The following ANKS3 variants were observed in gnomAD, a reference collection of about 807,000 sequenced individuals.
ANKS3 encodes ankyrin repeat and SAM domain-containing protein 3.
A neutral mutation model predicts 80.7 loss-of-function variants in ANKS3; 62 were observed. That is an observed-to-expected ratio of 0.77 (90% confidence interval 0.63 to 0.95). ANKS3 has a LOEUF of 0.95. Among genes scored for constraint, ANKS3 ranks in the 40% least tolerant of loss-of-function variants. ANKS3 has a pLI of 0.00. For synonymous variants in ANKS3, 489 were observed against 355.3 expected, an observed-to-expected ratio of 1.38 and a Z score of -4.23; for missense variants, 1,150 against 883.6, an observed-to-expected ratio of 1.30 and a Z score of -3.82.
intron 5 of ANKS3, among the ~76,000 whole-genome samples, chr16:4,725,802 G>T (rs2081316320): frequency 6.6e-6 from 1 of 152,084 alleles, no homozygotes; most frequent in Non-Finnish European, 1.5e-5. Flanking sequence ...TGGGATTACA[G>T]GCACCTGCCA....
chr16:4,706,787 G>A (rs574797534), intron 7 of ANKS3, among the ~76,000 whole-genome samples: 2 of 152,148 alleles, frequency 1.3e-5, no homozygotes, highest in South Asian at 2.1e-4. Flanking sequence ...TGAAGGGAAA[G>A]GTCCTTTGCA....
At chr16:4,697,696 T>G (rs549469779) in intron 15 of ANKS3, among the ~76,000 whole-genome samples, 2 of 152,242 alleles carry the variant, frequency 1.3e-5, no homozygotes, top group Non-Finnish European at 2.9e-5. Flanking sequence ...GCTACAGAAG[T>G]CACTGGCGGT....
chr16:4,705,176 C>A lies in ANKS3; in HGVS notation c.787G>T (p.Val263Phe), dbSNP rs1359265705. ...GCTCGCGGTCCCTCGTGGATGCTGA[C>A]ACCCTTCTTCCGGCAAGGCCTCTGT... ...QRQRPCRKKG[V>F]SIHEGPRALA... is the part of the protein sequence containing the mutation. Residue 263 changes from valine to phenylalanine, a missense_variant, in exon 8 of 18, where the codon GTC becomes TTC. Val to Phe is a conservative substitution (Grantham distance 50). Coordinates refer to ENST00000304283, the MANE Select transcript of ANKS3 (RefSeq NM_133450.4). The A allele has an allele frequency of 6.2e-7, 1 of 1,613,910 alleles. No individual in the cohort carries two copies. Among genetic ancestry groups the A allele is most frequent in the East Asian group, 2.2e-5 (1 of 44,890 alleles).
At chr16:4,709,311 C>T (rs2142068054) in intron 7 of ANKS3, among the ~76,000 whole-genome samples, 2 of 151,046 alleles carry the variant, frequency 1.3e-5, no homozygotes, top group South Asian at 4.2e-4. Context: ...GAGGCTGAGG[C>T]AGGAGAATCG....
At chr16:4,696,947 C>A (rs74854870) in intron 17 of ANKS3, 51 bp from the exon 18 acceptor site, 2 of 1,464,340 alleles carry the variant, frequency 1.4e-6, no homozygotes, top group East Asian at 2.3e-5. Context: ...GGGTGCATAC[C>A]CACACCTGCA....
chr16:4,715,856 C>T (rs570737049), intron 6 of ANKS3, among the ~76,000 whole-genome samples: 1 of 151,338 alleles, frequency 6.6e-6, no homozygotes, highest in East Asian at 1.9e-4. Flanking sequence ...AGTGCAGCGG[C>T]GCCTAAGGAA....
At chr16:4,721,812 T>C (rs2081117361) in intron 6 of ANKS3, among the ~76,000 whole-genome samples, 1 of 150,954 alleles carries the variant, frequency 6.6e-6, no homozygotes, top group African/African-American at 2.4e-5. Context: ...TATTTTTGTA[T>C]TTTTGGTAGA....
At chr16:4,705,344 C>T (rs536934265) in intron 7 of ANKS3, 91 bp from the exon 8 acceptor site, 36 of 1,478,354 alleles carry the variant, frequency 2.4e-5, no homozygotes, top group African/African-American at 1.8e-4. Flanking sequence ...TGACTGTCGC[C>T]GGTTTTGTTA....
At chr16:4,715,204 G>T (rs1211545523) in intron 6 of ANKS3, among the ~76,000 whole-genome samples, 1 of 152,030 alleles carries the variant, frequency 6.6e-6, no homozygotes, top group East Asian at 1.9e-4. Flanking sequence ...CATTTGACAG[G>T]CCAAGGCAGG....
At chr16:4,719,238 G>C (rs549542608) in intron 6 of ANKS3, among the ~76,000 whole-genome samples, 3 of 152,244 alleles carry the variant, frequency 2.0e-5, no homozygotes, top group African/African-American at 7.2e-5. Context: ...AGGCTGAGTT[G>C]CAAGGATCCC....
chr16:4,704,070 C>T (rs1324909129), intron 8 of ANKS3, among the ~76,000 whole-genome samples: 6 of 152,328 alleles, frequency 3.9e-5, no homozygotes, highest in East Asian at 1.9e-4. Context: ...CACAGCTCAG[C>T]GGACGGGACA....
At chr16:4,706,449 C>T (rs189814091) in intron 7 of ANKS3, among the ~76,000 whole-genome samples, 7 of 152,224 alleles carry the variant, frequency 4.6e-5, no homozygotes, top group Admixed American at 2.0e-4. Flanking sequence ...GTTGGCCAGG[C>T]TGGTCTCGAT....
chr16:4,707,363 C>A (rs1457894904), intron 7 of ANKS3, among the ~76,000 whole-genome samples: 1 of 149,030 alleles, frequency 6.7e-6, no homozygotes, highest in Non-Finnish European at 1.5e-5. Flanking sequence ...CTCATTGTAA[C>A]CTCCGCCTCC....
intron 11 of ANKS3, chr16:4,700,024 G>A (rs914358351): frequency 6.6e-6 from 1 of 152,504 alleles, no homozygotes; most frequent in East Asian, 1.9e-4. Context: ...ACCGAGACGT[G>A]TGCCTGCTCA....
chr16:4,725,241 C>T (rs2081293520), intron 5 of ANKS3: 1 of 159,016 alleles, frequency 6.3e-6, no homozygotes. Context: ...AGTTCAAGTA[C>T]TAATGATCTA....
intron 3 of ANKS3, among the ~76,000 whole-genome samples, chr16:4,729,082 G>T (rs1221475274): frequency 1.3e-5 from 2 of 152,224 alleles, no homozygotes; most frequent in Non-Finnish European, 1.5e-5. Flanking sequence ...GGAACATAAG[G>T]GGGTGGAAGT....
Position 4,698,414 on chromosome 16 carries a change from C to A in ANKS3, c.1724+13G>T, listed in dbSNP as rs942796817. The A allele has an allele frequency of 6.7e-6, 10 of 1,501,020 alleles. No individual in the cohort carries two copies. Among genetic ancestry groups the A allele is most frequent in the Non-Finnish European group, 8.0e-6 (9 of 1,129,338 alleles). 93.0% of individuals were successfully genotyped at this position (1,501,020 alleles called of 1,614,324 possible). A position where few individuals can be genotyped will look rare whatever the true frequency, so the allele number is the denominator to read the frequency against. ...ACTGGAGACCCAGCCCAGGGCAGCTCAGAGCCACTCACCGCAGCTGGTCCA... is the reference window on the plus strand; with the variant it reads ...ACTGGAGACCCAGCCCAGGGCAGCTAAGAGCCACTCACCGCAGCTGGTCCA... On this transcript the variant is annotated intron_variant, in intron 14 of 17. Coordinates refer to ENST00000304283, the MANE Select transcript of ANKS3 (RefSeq NM_133450.4).
At chr16:4,714,941 G>C (rs1246472346) in intron 6 of ANKS3, among the ~76,000 whole-genome samples, 1 of 125,622 alleles carries the variant, frequency 8.0e-6, no homozygotes. Context: ...GCAGTGAGCT[G>C]AGATCATGCC....
chr16:4,701,528 C>A lies in ANKS3; in HGVS notation c.1025G>T (p.Cys342Phe), dbSNP rs761004762. Residue 342 changes from cysteine to phenylalanine, a missense_variant, in exon 10 of 18, where the codon TGT becomes TTT. Cys to Phe is a radical substitution (Grantham distance 205, BLOSUM62 -2). Coordinates refer to ENST00000304283, the MANE Select transcript of ANKS3 (RefSeq NM_133450.4). ...SSSSREEHAF[C>F]ANLGPVQSSS... ...GCTCTGGACGGGCCCCAGGTTGGCA[C>A]AGAAAGCATGTTCCTCTGAGGGCGG... 3.7e-6 allele frequency: 6 copies of A among 1,610,734 alleles called. No homozygotes were observed. The African/African-American group carries it at 4.0e-5, about 11-fold the overall frequency.
Sources: allele counts gnomAD v4.1 joint callset (sites outside exome capture counted in the v4.1 genomes callset), GRCh38; gene constraint gnomAD v4.1.1; transcripts MANE v1.5; gene names NCBI Gene and HGNC (gene_info 2026-07-23, HGNC 2026-07-21).